SSBP1: variants seen among roughly 807,000 people sequenced by gnomAD.
SSBP1 encodes the protein single-stranded DNA-binding protein, mitochondrial.
SSBP1 carries 20 observed loss-of-function variants against 27.0 expected under a neutral mutation model. That is an observed-to-expected ratio of 0.74 (90% CI 0.52 to 1.08). The LOEUF (loss-of-function observed/expected upper bound fraction) is 1.08, where lower values mean the gene tolerates loss of function less well. Among genes scored for constraint, SSBP1 ranks in the 50% least tolerant of loss-of-function variants. SSBP1 has a pLI of 0.00. For missense variants in SSBP1, 137 were observed against 182.4 expected (o/e 0.75, Z 1.44); for synonymous variants, 59 against 59.3 (o/e 1.00, Z 0.02).
In SSBP1 at chr7:141,739,104, A is replaced by T; in HGVS notation, c.-43-20A>T. The T allele has an allele frequency of 6.8e-7, 1 of 1,461,434 alleles. No homozygotes were observed. Among genetic ancestry groups the T allele is most frequent in the Admixed American group, 2.2e-5 (1 of 45,836 alleles). The allele number at this position is 1,461,434 out of a possible 1,614,324, so 90.5% of individuals were successfully genotyped here. ...CCATAAGAGGTAATGTTTTTTTCTT[A>T]TTTTGTTTTTTTCCTTCAGGAAAAG... is the stretch of plus-strand genomic sequence containing the variant. On this transcript the variant is annotated intron_variant, in intron 1 of 6. Coordinates refer to ENST00000265304, the MANE Select transcript of SSBP1 (RefSeq NM_003143.3).
chr7:141,745,472 A>G (rs1295374383), intron 5 of SSBP1, 24 bp from the exon 6 acceptor site: 2 of 1,572,028 alleles, frequency 1.3e-6, no homozygotes, highest in Non-Finnish European at 1.7e-6. Flanking sequence ...CTCAACTAAA[A>G]ACTGTACATT....
At chr7:141,741,814 A>G in intron 2 of SSBP1, 2 of 1,014,478 alleles carry the variant, frequency 2.0e-6, no homozygotes, top group East Asian at 8.3e-5. Flanking sequence ...ATTTACAAAT[A>G]TTATCATACT....
At chr7:141,739,927 G>C (rs1799461641) in intron 2 of SSBP1, 1 of 152,154 alleles carries the variant, frequency 6.6e-6, no homozygotes, top group African/African-American at 2.4e-5. Flanking sequence ...TGTGAAACAT[G>C]AAAAAGTTAT....
intron 3 of SSBP1, 21 bp from the exon 4 acceptor site, chr7:141,743,540 G>T: frequency 6.2e-7 from 1 of 1,612,668 alleles, no homozygotes; most frequent in Non-Finnish European, 8.5e-7. Flanking sequence ...TGTCTCATTT[G>T]GTCTTGATGT....
intron 2 of SSBP1, chr7:141,741,352 T>G (rs555172798): frequency 6.6e-6 from 1 of 152,482 alleles, no homozygotes; most frequent in South Asian, 2.1e-4. Flanking sequence ...TGCTTGCTGC[T>G]CACCTCCTGC....
chr7:141,742,448 C>T (rs1344542237), intron 3 of SSBP1, among the ~76,000 whole-genome samples: 1 of 152,182 alleles, frequency 6.6e-6, no homozygotes, highest in Non-Finnish European at 1.5e-5. Flanking sequence ...TCATTCTTGT[C>T]AACACTGTCC....
At chr7:141,738,632 A>G (rs1799379222) in intron 1 of SSBP1, 1 of 152,478 alleles carries the variant, frequency 6.6e-6, no homozygotes, top group Non-Finnish European at 1.5e-5. Context: ...GTGGCTGGCT[A>G]GCCCGGGGGT....
chr7:141,745,044 ATAT>A (rs1799724581), intron 5 of SSBP1, among the ~76,000 whole-genome samples: 1 of 152,208 alleles, frequency 6.6e-6, no homozygotes, highest in African/African-American at 2.4e-5. Flanking sequence ...ACTCAGGGTA[ATAT>A]TATACTAAAC....
chr7:141,745,933 T>C (rs1799768720), intron 6 of SSBP1: 1 of 1,023,254 alleles, frequency 9.8e-7, no homozygotes, highest in Non-Finnish European at 1.2e-6. Context: ...TATGCCAAGA[T>C]AAGAATTACA....
intron 2 of SSBP1, chr7:141,741,924 A>C (rs1799549853): frequency 3.3e-6 from 2 of 610,852 alleles, no homozygotes; most frequent in Non-Finnish European, 4.9e-6. Context: ...GGAGTACTAT[A>C]ACTTAACTTT....
At position 141,739,075 on chromosome 7, in the gene SSBP1, T is replaced by G. The variant is rs1799404199; in HGVS notation, c.-43-49T>G. On this transcript the variant is annotated intron_variant, in intron 1 of 6. Transcript: ENST00000265304. ...GAATTTAGGACTGGTGAGTTGTACT[T>G]TTGCCATAAGAGGTAATGTTTTTTT... is the stretch of plus-strand genomic sequence containing the variant. 3 of 1,151,090 alleles carry G rather than the reference T, an allele frequency of 2.6e-6. No individual in the cohort carries two copies. In the Admixed American group the frequency reaches 7.0e-5, roughly 27 times the overall value. 71.3% of individuals were successfully genotyped at this position (1,151,090 alleles called of 1,614,324 possible).
At position 141,741,910 on chromosome 7, in the gene SSBP1, A is replaced by T. The variant is rs536392178; in HGVS notation, c.25-259A>T. 3 of 644,580 alleles carry T rather than the reference A, an allele frequency of 4.7e-6. No homozygotes were observed. The South Asian group carries it at 2.2e-4, about 46-fold the overall frequency. 39.9% of individuals were successfully genotyped at this position (644,580 alleles called of 1,614,324 possible). A position where few individuals can be genotyped will look rare whatever the true frequency, so the allele number is the denominator to read the frequency against. On this transcript the variant is annotated intron_variant, in intron 2 of 6. Coordinates refer to ENST00000265304, the MANE Select transcript of SSBP1 (RefSeq NM_003143.3). Reference sequence around the variant, plus strand: ...ATAATCAAGGAGATGTCGCAAAATAAATGGGAGTACTATAACTTAACTTTG... The same window carrying T: ...ATAATCAAGGAGATGTCGCAAAATATATGGGAGTACTATAACTTAACTTTG...
At chr7:141,746,860 A>G (rs1193329596) in intron 6 of SSBP1, among the ~76,000 whole-genome samples, 1 of 152,174 alleles carries the variant, frequency 6.6e-6, no homozygotes, top group Non-Finnish European at 1.5e-5. Context: ...GTATCAATGG[A>G]ATCTAAATAG....
chr7:141,743,046 G>A (rs1308161071), intron 3 of SSBP1, among the ~76,000 whole-genome samples: 1 of 152,166 alleles, frequency 6.6e-6, no homozygotes, highest in Admixed American at 6.5e-5. Flanking sequence ...GTAGAGATGG[G>A]GTTTCACCGT....
intron 6 of SSBP1, among the ~76,000 whole-genome samples, chr7:141,747,658 G>A (rs1799833119): frequency 6.6e-6 from 1 of 151,402 alleles, no homozygotes; most frequent in African/African-American, 2.4e-5. Context: ...AAAGTGCTGG[G>A]ATTACAGGCG....
chr7:141,744,601 T>C (rs757090592), intron 5 of SSBP1, among the ~76,000 whole-genome samples: 5 of 152,374 alleles, frequency 3.3e-5, no homozygotes, highest in Admixed American at 6.5e-5. Context: ...TTTAGAAATG[T>C]ACTTGTTTTG....
Position 141,744,104 on chromosome 7 carries a change from T to G in SSBP1, c.314+115T>G, listed in dbSNP as rs937840263. On this transcript the variant is annotated intron_variant, in intron 5 of 6. Transcript: ENST00000265304. ...AATCCCTGAGTACTACTAATGACTGTATTAATTTAAGAGGTATTTACTAAG... is the reference window on the plus strand; with the variant it reads ...AATCCCTGAGTACTACTAATGACTGGATTAATTTAAGAGGTATTTACTAAG... The G allele has an allele frequency of 8.4e-5, 72 of 859,030 alleles. No individual in the cohort carries two copies. The East Asian group carries it at 1.9e-3, about 23-fold the overall frequency. 53.2% of individuals were successfully genotyped at this position (859,030 alleles called of 1,614,324 possible).
intron 3 of SSBP1, 106 bp from the exon 4 acceptor site, chr7:141,743,455 C>A: frequency 7.5e-7 from 1 of 1,336,332 alleles, no homozygotes; most frequent in Non-Finnish European, 1.0e-6. Flanking sequence ...CTTCCAAATA[C>A]CATTACATTG....
intron 3 of SSBP1, among the ~76,000 whole-genome samples, chr7:141,742,776 TG>T (rs1434114391): frequency 6.6e-6 from 1 of 152,234 alleles, no homozygotes; most frequent in African/African-American, 2.4e-5. Context: ...TTCCAGAACT[TG>T]GGTTTTACTT....
Sources: allele counts gnomAD v4.1 joint callset (sites outside exome capture counted in the v4.1 genomes callset), GRCh38; gene constraint gnomAD v4.1.1; transcripts MANE v1.5; gene names NCBI Gene and HGNC (gene_info 2026-07-23, HGNC 2026-07-21).